The following NAALADL2 variants were observed in gnomAD, a reference collection of about 807,000 sequenced individuals.
The protein encoded by NAALADL2 is inactive N-acetylated-alpha-linked acidic dipeptidase-like protein 2.
A neutral mutation model predicts 87.2 loss-of-function variants in NAALADL2; 76 were observed. The ratio of observed to expected loss-of-function variants is 0.87; its 90% CI spans 0.72 to 1.05. The LOEUF (loss-of-function observed/expected upper bound fraction) is 1.05, where lower values mean the gene tolerates loss of function less well. NAALADL2 is among the 50% of genes least tolerant of loss of function. The pLI is 0.00. For missense variants in NAALADL2, 1,089 were observed against 945.8 expected (o/e 1.15, Z -1.99); for synonymous variants, 354 against 331.0 (o/e 1.07, Z -0.75).
At chr3:175,114,731 GA>G (rs1724807466) in intron 2 of NAALADL2, among the ~76,000 whole-genome samples, 1 of 151,560 alleles carries the variant, frequency 6.6e-6, no homozygotes, top group African/African-American at 2.4e-5. Context: ...TTGGGACTTA[GA>G]AAATCTTAGA....
intron 2 of NAALADL2, among the ~76,000 whole-genome samples, chr3:174,601,198 T>C (rs1718426027): frequency 6.6e-6 from 1 of 152,136 alleles, no homozygotes; most frequent in Non-Finnish European, 1.5e-5. Flanking sequence ...TATTTTTAGT[T>C]TTTTGAGAAA....
intron 2 of NAALADL2, among the ~76,000 whole-genome samples, chr3:174,689,644 A>G (rs1728381845): frequency 6.6e-6 from 1 of 152,008 alleles, no homozygotes; most frequent in African/African-American, 2.4e-5. Flanking sequence ...ATTAGTCATG[A>G]ACCTCTTGAG....
At chr3:175,072,612 CATGTATCATTAGGAG>C (rs1403794134) in intron 1 of NAALADL2, among the ~76,000 whole-genome samples, 2 of 141,512 alleles carry the variant, frequency 1.4e-5, no homozygotes, top group Non-Finnish European at 3.0e-5. Context: ...CTCATTGTTA[CATGTATCATTAGGAG>C]ATGTCCAATT....
intron 5 of NAALADL2, among the ~76,000 whole-genome samples, chr3:175,378,860 A>G (rs1424182875): frequency 6.6e-6 from 1 of 152,228 alleles, no homozygotes; most frequent in African/African-American, 2.4e-5. Context: ...GGCTAAGAGT[A>G]GATAAACTTT....
intron 11 of NAALADL2, among the ~76,000 whole-genome samples, chr3:175,733,809 T>A (rs1205565475): frequency 6.6e-6 from 1 of 152,140 alleles, no homozygotes; most frequent in Non-Finnish European, 1.5e-5. Context: ...ATGGGAGAAA[T>A]TGACCAAAAT....
At chr3:174,944,152 G>A (rs1739040596) in intron 1 of NAALADL2, among the ~76,000 whole-genome samples, 1 of 152,128 alleles carries the variant, frequency 6.6e-6, no homozygotes, top group Non-Finnish European at 1.5e-5. Context: ...GCAAAGATGA[G>A]GGCCTGCTCC....
intron 4 of NAALADL2, among the ~76,000 whole-genome samples, chr3:175,276,671 T>A (rs903836405): frequency 2.6e-5 from 4 of 152,182 alleles, no homozygotes; most frequent in African/African-American, 9.7e-5. Flanking sequence ...ACAAGTCATG[T>A]GAAAATCACT....
chr3:175,070,930 T>C (rs968350207), intron 1 of NAALADL2, among the ~76,000 whole-genome samples: 1 of 152,104 alleles, frequency 6.6e-6, no homozygotes, highest in African/African-American at 2.4e-5. Flanking sequence ...GACCTATTGC[T>C]CTAGACCCTT....
Position 175,379,191 on chromosome 3 carries a change from CTT to C in NAALADL2, c.1090+54880_1090+54881del, listed in dbSNP as rs67510422. On this transcript the variant is annotated intron_variant, in intron 5 of 13. Transcript: ENST00000454872. ...TTACTTAACCTGTTTCTTCCTCTCT[CTT>C]TTTTTTTTTTTTTCCTGTAGAATAG... is the stretch of plus-strand genomic sequence containing the variant. 8.0e-3 allele frequency among the ~76,000 whole-genome samples: 1,136 copies of C among 142,704 alleles called. 5 individuals are homozygous for C. Among genetic ancestry groups the C allele is most frequent in the Admixed American group, 0.02 (287 of 14,312 alleles). The allele number at this position is 142,704 out of a possible 152,430, so 93.6% of individuals were successfully genotyped here. A position where few individuals can be genotyped will look rare whatever the true frequency, so the allele number is the denominator to read the frequency against.
At chr3:175,612,387 T>C (rs1433806620) in intron 10 of NAALADL2, among the ~76,000 whole-genome samples, 3 of 152,196 alleles carry the variant, frequency 2.0e-5, no homozygotes, top group African/African-American at 7.2e-5. Flanking sequence ...TAAGCTGTTG[T>C]TCCTGGTTTC....
intron 3 of NAALADL2, among the ~76,000 whole-genome samples, chr3:175,239,474 G>A (rs1378587914): frequency 6.6e-6 from 1 of 152,140 alleles, no homozygotes; most frequent in Admixed American, 6.5e-5. Flanking sequence ...ATGTAGAAAA[G>A]CAAATCACAT....
intron 1 of NAALADL2, among the ~76,000 whole-genome samples, chr3:174,482,962 T>C (rs1717649906): frequency 6.6e-6 from 1 of 152,068 alleles, no homozygotes; most frequent in South Asian, 2.1e-4. Flanking sequence ...GAGTGATGTG[T>C]TAAAGTGATA....
chr3:174,603,265 T>C (rs531615199), intron 2 of NAALADL2, among the ~76,000 whole-genome samples: 1 of 152,174 alleles, frequency 6.6e-6, no homozygotes, highest in South Asian at 2.1e-4. Context: ...AGAGACTTTT[T>C]ATTACAGCTT....
rs181185267 is a variant in NAALADL2 at position 175,185,307 on chromosome 3, A to T, written c.546-48624A>T. On this transcript the variant is annotated intron_variant, in intron 2 of 13. Transcript: ENST00000454872. ...CTACTCCTAATTGTATGCCCTGAAG[A>T]GACTTGTCTACATATGCACAAGATG... 1.1e-4 allele frequency among the ~76,000 whole-genome samples: 16 copies of T among 152,190 alleles called. No individual in the cohort carries two copies. In the East Asian group the frequency reaches 2.9e-3, roughly 28 times the overall value.
chr3:175,687,711 G>A (rs1174493706), intron 11 of NAALADL2, among the ~76,000 whole-genome samples: 1 of 152,172 alleles, frequency 6.6e-6, no homozygotes, highest in Non-Finnish European at 1.5e-5. Flanking sequence ...AGAGGTGGTG[G>A]GAGGTGTTTA....
chr3:175,614,015 C>T (rs1725011454), intron 10 of NAALADL2, among the ~76,000 whole-genome samples: 5 of 152,160 alleles, frequency 3.3e-5, no homozygotes, highest in Admixed American at 1.3e-4. Flanking sequence ...CAATATCCCA[C>T]AATATACTGC....
chr3:175,600,781 C>T (rs1427429222), intron 10 of NAALADL2, among the ~76,000 whole-genome samples: 1 of 152,012 alleles, frequency 6.6e-6, no homozygotes, highest in African/African-American at 2.4e-5. Flanking sequence ...TCGTGATCCG[C>T]CCGCCTCGGC....
At chr3:175,527,507 T>A (rs1733577247) in intron 9 of NAALADL2, among the ~76,000 whole-genome samples, 1 of 152,164 alleles carries the variant, frequency 6.6e-6, no homozygotes, top group Non-Finnish European at 1.5e-5. Flanking sequence ...ACAATTTTGA[T>A]TCCACCAATA....
chr3:175,382,837 C>G (rs1767945463), intron 5 of NAALADL2, among the ~76,000 whole-genome samples: 1 of 151,728 alleles, frequency 6.6e-6, no homozygotes, highest in Non-Finnish European at 1.5e-5. Flanking sequence ...AGAAGATATA[C>G]TTTTTTAAAA....
Sources: allele counts gnomAD v4.1 joint callset (sites outside exome capture counted in the v4.1 genomes callset), GRCh38; gene constraint gnomAD v4.1.1; transcripts MANE v1.5; gene names NCBI Gene and HGNC (gene_info 2026-07-23, HGNC 2026-07-21).